ATG10: variants seen among roughly 807,000 people sequenced by gnomAD.
ATG10 encodes ubiquitin-like-conjugating enzyme ATG10.
ATG10 carries 30 observed loss-of-function variants against 32.1 expected under a neutral mutation model. That is an observed-to-expected ratio of 0.94 (90% CI 0.70 to 1.27). The LOEUF (loss-of-function observed/expected upper bound fraction) is 1.27, where lower values mean the gene tolerates loss of function less well. ATG10 is among the 50% of genes most tolerant of loss of function. ATG10 has a pLI of 0.00. For missense variants in ATG10, 233 were observed against 262.3 expected, an observed-to-expected ratio of 0.89 and a Z score of 0.77; for synonymous variants, 87 against 91.5, an observed-to-expected ratio of 0.95 and a Z score of 0.28.
At chr5:81,975,864 A>G (rs892730723) in intron 1 of ATG10, among the ~76,000 whole-genome samples, 1 of 152,036 alleles carries the variant, frequency 6.6e-6, no homozygotes, top group Non-Finnish European at 1.5e-5. Context: ...CTTAAACTAT[A>G]TAATATATAA....
chr5:82,156,862 A>G (rs1214508239), intron 3 of ATG10, among the ~76,000 whole-genome samples: 3 of 152,220 alleles, frequency 2.0e-5, no homozygotes, highest in Admixed American at 2.0e-4. Context: ...CCTCCTGCCA[A>G]AGAACCTGTG....
At chr5:82,207,168 A>G (rs1331779584) in intron 5 of ATG10, among the ~76,000 whole-genome samples, 5 of 152,190 alleles carry the variant, frequency 3.3e-5, no homozygotes, top group Non-Finnish European at 7.3e-5. Flanking sequence ...TATTGGGTAT[A>G]TATCAAGAAT....
intron 2 of ATG10, among the ~76,000 whole-genome samples, chr5:82,017,545 C>T (rs1223286423): frequency 6.6e-6 from 1 of 152,144 alleles, no homozygotes; most frequent in East Asian, 1.9e-4. Context: ...GTGGGTTTGT[C>T]ATAGATGGCT....
intron 5 of ATG10, among the ~76,000 whole-genome samples, chr5:82,218,278 A>G (rs1372733814): frequency 6.6e-6 from 1 of 152,168 alleles, no homozygotes; most frequent in Non-Finnish European, 1.5e-5. Context: ...TTTCTGTACC[A>G]TGTGGTTCTT....
intron 5 of ATG10, among the ~76,000 whole-genome samples, chr5:82,218,052 TACACACACACACACACAC>T: frequency 6.9e-6 from 1 of 145,292 alleles, no homozygotes; most frequent in African/African-American, 2.6e-5. Context: ...GTTCTCTCTT[TACACACACACACACACAC>T]ACACACACAC....
At position 82,252,772 on chromosome 5, in the gene ATG10, T is replaced by C. The variant is rs189069656; in HGVS notation, c.551+113T>C. ...AAGAAATATTAATAATAATAATGGCTAACACAATGATTTTTAGGATATGCT... is the reference window on the plus strand; with the variant it reads ...AAGAAATATTAATAATAATAATGGCCAACACAATGATTTTTAGGATATGCT... On this transcript the variant is annotated intron_variant, in intron 6 of 7. Coordinates refer to ENST00000282185, the MANE Select transcript of ATG10 (RefSeq NM_031482.5). The C allele has an allele frequency of 1.5e-5, 10 of 655,666 alleles. No individual in the cohort carries two copies. In the East Asian group the frequency reaches 2.8e-4, roughly 19 times the overall value. 40.6% of individuals were successfully genotyped at this position (655,666 alleles called of 1,614,324 possible).
intron 5 of ATG10, among the ~76,000 whole-genome samples, chr5:82,196,595 G>C (rs1444691473): frequency 6.6e-6 from 1 of 151,996 alleles, no homozygotes; most frequent in East Asian, 1.9e-4. Context: ...TCATTCTTTT[G>C]CATGTACTAA....
chr5:82,079,945 T>A (rs1433653159), intron 3 of ATG10, among the ~76,000 whole-genome samples: 2 of 152,216 alleles, frequency 1.3e-5, no homozygotes, highest in African/African-American at 4.8e-5. Context: ...CGCCACACTG[T>A]CTTCCACAAT....
chr5:82,049,652 A>C (rs1350308447), intron 2 of ATG10, among the ~76,000 whole-genome samples: 1 of 152,222 alleles, frequency 6.6e-6, no homozygotes, highest in Non-Finnish European at 1.5e-5. Flanking sequence ...AAGTGACATC[A>C]AAAAATGTTT....
At chr5:82,152,395 G>T (rs555954895) in intron 3 of ATG10, among the ~76,000 whole-genome samples, 2 of 152,256 alleles carry the variant, frequency 1.3e-5, no homozygotes, top group Non-Finnish European at 2.9e-5. Flanking sequence ...ACTCTGAAGC[G>T]TGGAGTCCTG....
intron 5 of ATG10, among the ~76,000 whole-genome samples, chr5:82,215,811 G>A (rs944400615): frequency 1.3e-4 from 19 of 151,810 alleles, no homozygotes; most frequent in South Asian, 4.2e-4. Flanking sequence ...GGTGGCAGGC[G>A]CCTATAATCC....
intron 5 of ATG10, among the ~76,000 whole-genome samples, chr5:82,190,428 C>T (rs1457757115): frequency 7.2e-5 from 11 of 151,884 alleles, no homozygotes; most frequent in Admixed American, 6.6e-4. Flanking sequence ...ACATCACAGA[C>T]ATTTTTGCAT....
At chr5:82,051,040 T>A (rs1451286277) in intron 2 of ATG10, among the ~76,000 whole-genome samples, 1 of 151,964 alleles carries the variant, frequency 6.6e-6, no homozygotes, top group Non-Finnish European at 1.5e-5. Context: ...AACTCTCTTT[T>A]AGTTTCATAC....
At chr5:82,136,031 A>G (rs766603910) in intron 3 of ATG10, among the ~76,000 whole-genome samples, 45 of 152,150 alleles carry the variant, frequency 3.0e-4, no homozygotes, top group South Asian at 4.2e-4. Flanking sequence ...TCAGAGACTA[A>G]AATTGCAACC....
At chr5:82,187,004 C>G (rs1744472205) in intron 5 of ATG10, among the ~76,000 whole-genome samples, 1 of 152,144 alleles carries the variant, frequency 6.6e-6, no homozygotes, top group South Asian at 2.1e-4. Flanking sequence ...ACTTCCCCTA[C>G]ATTAAGAAAT....
At chr5:82,074,333 G>A (rs1764212002) in intron 3 of ATG10, among the ~76,000 whole-genome samples, 2 of 151,962 alleles carry the variant, frequency 1.3e-5, no homozygotes, top group Admixed American at 1.3e-4. Flanking sequence ...GGGATGGTGG[G>A]GGAGCTTTCT....
chr5:82,196,483 C>T (rs1054588609), intron 5 of ATG10, among the ~76,000 whole-genome samples: 4 of 152,122 alleles, frequency 2.6e-5, no homozygotes, highest in Non-Finnish European at 5.9e-5. Context: ...AGATTAAACC[C>T]TATGTGGTCT....
chr5:82,108,054 G>A (rs975919114), intron 3 of ATG10, among the ~76,000 whole-genome samples: 2 of 152,016 alleles, frequency 1.3e-5, no homozygotes, highest in African/African-American at 4.8e-5. Flanking sequence ...CTAAGGTAGA[G>A]TTAGATAATG....
chr5:82,143,317 G>T (rs1055189172), intron 3 of ATG10, among the ~76,000 whole-genome samples: 23 of 152,254 alleles, frequency 1.5e-4, no homozygotes, highest in Non-Finnish European at 2.9e-5. Context: ...TATAGACCTA[G>T]TTGCCAGAGC....
Sources: gnomAD v4.1 joint callset for allele counts (sites outside exome capture counted in the v4.1 genomes callset) on GRCh38, gnomAD v4.1.1 for gene constraint, MANE v1.5 for transcripts, NCBI Gene and HGNC (gene_info 2026-07-23, HGNC 2026-07-21) for gene names.